The following KLF8 variants were observed in gnomAD, a reference collection of about 807,000 sequenced individuals.
The protein encoded by KLF8 is Krueppel-like factor 8.
A neutral mutation model predicts 18.2 loss-of-function variants in KLF8; 10 were observed. The observed-to-expected ratio is 0.55, with a 90% confidence interval of 0.34 to 0.93. The LOEUF is 0.93. KLF8 is among the 40% of genes least tolerant of loss of function. KLF8 has a pLI of 0.02. For synonymous variants in KLF8, 109 were observed against 97.3 expected, an observed-to-expected ratio of 1.12 and a Z score of -0.71; for missense variants, 264 against 277.9, an observed-to-expected ratio of 0.95 and a Z score of 0.36.
the KLF8 span, chrX:55,962,189 C>T: frequency 7.5e-5 from 12 of 160,239 alleles, no homozygotes; most frequent in African/African-American, 1.9e-4. Flanking sequence ...TTCTTAACAC[C>T]GAAATTTGCA....
chrX:55,970,111 C>A, the KLF8 span, among the ~76,000 whole-genome samples: 27 of 110,808 alleles, frequency 2.4e-4, no homozygotes, highest in Non-Finnish European at 4.6e-4. Flanking sequence ...CAAAGCCAGA[C>A]AAAAACACAT....
At chrX:56,243,485 A>G (rs2066576506) in intron 1 of KLF8, 1 of 122,588 alleles carries the variant, frequency 8.2e-6, no homozygotes, top group African/African-American at 3.9e-5. Context: ...TAGACTGGGT[A>G]CCTCAAGTCA....
At chrX:55,908,676 C>T in the KLF8 span, 2 of 286,978 alleles carry the variant, frequency 7.0e-6, no homozygotes, top group Non-Finnish European at 1.2e-5. Context: ...ACTCTTCACT[C>T]AACTACGTGT....
At chrX:56,010,104 C>T in the KLF8 span, among the ~76,000 whole-genome samples, 2 of 111,478 alleles carry the variant, frequency 1.8e-5, no homozygotes, top group Admixed American at 1.9e-4. Flanking sequence ...TCAGGAAACA[C>T]GGAGAACCTC....
the KLF8 span, among the ~76,000 whole-genome samples, chrX:56,110,771 T>C: frequency 1.8e-5 from 2 of 112,209 alleles, no homozygotes; most frequent in South Asian, 3.7e-4. Flanking sequence ...ACAAATTATA[T>C]CTTTACATTA....
At chrX:55,951,557 G>C in the KLF8 span, among the ~76,000 whole-genome samples, 2 of 109,856 alleles carry the variant, frequency 1.8e-5, no homozygotes, top group Non-Finnish European at 3.8e-5. Context: ...AGCTCCAGGA[G>C]AGAGAAAGAA....
At chrX:56,074,379 A>C in the KLF8 span, among the ~76,000 whole-genome samples, 1 of 111,216 alleles carries the variant, frequency 9.0e-6, no homozygotes, top group Admixed American at 9.6e-5. Flanking sequence ...ATCCAAGGTC[A>C]TGAAATTTTA....
chrX:56,086,388 G>A, the KLF8 span, among the ~76,000 whole-genome samples: 3 of 111,005 alleles, frequency 2.7e-5, no homozygotes, highest in East Asian at 8.5e-4. Flanking sequence ...CATCCAATCG[G>A]AGGGACATGA....
chrX:56,188,197 T>C, the KLF8 span, among the ~76,000 whole-genome samples: 1 of 111,361 alleles, frequency 9.0e-6, no homozygotes, highest in Non-Finnish European at 1.9e-5. Context: ...AAAATCAATG[T>C]ACAAAAATCA....
the KLF8 span, among the ~76,000 whole-genome samples, chrX:56,093,695 A>G: frequency 9.0e-6 from 1 of 111,088 alleles, no homozygotes; most frequent in Admixed American, 9.6e-5. Context: ...TGCTCAAAAT[A>G]TTAATAATAG....
At chrX:56,218,413 A>G in the KLF8 span, among the ~76,000 whole-genome samples, 1 of 111,456 alleles carries the variant, frequency 9.0e-6, no homozygotes, top group Non-Finnish European at 1.9e-5. Context: ...GTTCTGTGAT[A>G]GGAACTCCTA....
chrX:56,050,920 A>C, the KLF8 span, among the ~76,000 whole-genome samples: 2 of 108,435 alleles, frequency 1.8e-5, no homozygotes, highest in African/African-American at 3.4e-5. Context: ...TTTGTAGGTC[A>C]CTCAGGACTT....
At chrX:56,190,229 A>T in the KLF8 span, among the ~76,000 whole-genome samples, 3 of 110,944 alleles carry the variant, frequency 2.7e-5, no homozygotes, top group African/African-American at 9.8e-5. Flanking sequence ...CAATAAGAAG[A>T]TAGTAGAAGG....
chrX:55,911,962 C>A, the KLF8 span, among the ~76,000 whole-genome samples: 2 of 111,894 alleles, frequency 1.8e-5, no homozygotes, highest in Non-Finnish European at 3.8e-5. Flanking sequence ...CTTTGTCCAT[C>A]CTCAGAGATA....
chrX:56,237,387 TATTA>T (rs941552295), intron 1 of KLF8, among the ~76,000 whole-genome samples: 5 of 109,216 alleles, frequency 4.6e-5, no homozygotes, highest in African/African-American at 1.7e-4. Flanking sequence ...AGGTAGTTTC[TATTA>T]TATATATATG....
chrX:56,224,317 A>G, the KLF8 span, among the ~76,000 whole-genome samples: 3 of 111,712 alleles, frequency 2.7e-5, no homozygotes, highest in Non-Finnish European at 1.9e-5. Context: ...ATGTTGCTTT[A>G]AAAACAGTTC....
chrX:55,941,158 G>A, the KLF8 span, among the ~76,000 whole-genome samples: 1 of 111,837 alleles, frequency 8.9e-6, no homozygotes, highest in South Asian at 3.7e-4. Context: ...CATGGTATTG[G>A]TACCAAAACA....
the KLF8 span, among the ~76,000 whole-genome samples, chrX:56,189,123 T>C: frequency 1.8e-5 from 2 of 111,857 alleles, no homozygotes; most frequent in African/African-American, 6.5e-5. Flanking sequence ...TCTACTCATC[T>C]GACAAAGGGC....
intron 5 of KLF8, among the ~76,000 whole-genome samples, chrX:56,279,596 G>A (rs184744639): frequency 5.4e-5 from 6 of 111,816 alleles, no homozygotes; most frequent in African/African-American, 1.6e-4. Flanking sequence ...AGTGGGTGGA[G>A]AAAGCATTGA....
Sources: gnomAD v4.1 joint callset for allele counts (sites outside exome capture counted in the v4.1 genomes callset) on GRCh38, gnomAD v4.1.1 for gene constraint, MANE v1.5 for transcripts, NCBI Gene and HGNC (gene_info 2026-07-23, HGNC 2026-07-21) for gene names.